Variants in USP18 observed in about 807,000 individuals in gnomAD.
USP18 encodes ubl carboxyl-terminal hydrolase 18.
USP18 carries 11 observed loss-of-function variants against 48.7 expected under a neutral mutation model. That is an observed-to-expected ratio of 0.23 (90% CI 0.14 to 0.37). The LOEUF is 0.37. Ranked by LOEUF, USP18 falls within the 10% of genes least tolerant of loss-of-function variation. The pLI, the probability that USP18 is intolerant of heterozygous loss-of-function variation, is 1.00. For missense variants in USP18, 285 were observed against 436.4 expected (o/e 0.65, Z 3.09); for synonymous variants, 114 against 163.2 (o/e 0.70, Z 2.30).
In USP18 at chr22:18,160,042, G is replaced by A. The variant is rs544172758; in HGVS notation, c.158-130G>A. 241 of 848,146 alleles carry A rather than the reference G, an allele frequency of 2.8e-4. No individual in the cohort carries two copies. The African/African-American group carries it at 3.4e-3, about 12-fold the overall frequency. 52.5% of individuals were successfully genotyped at this position (848,146 alleles called of 1,614,324 possible). A position where few individuals can be genotyped will look rare whatever the true frequency, so the allele number is the denominator to read the frequency against. On this transcript the variant is annotated intron_variant, in intron 2 of 10. Coordinates refer to ENST00000215794, the MANE Select transcript of USP18 (RefSeq NM_017414.4). ...TTGGCCAGGCTGGTCTCGAACTCCC[G>A]ACCTCAGGTGATCCGCCCACCTCGG...
At position 18,170,653 on chromosome 22, in the gene USP18, G is replaced by A. The variant is rs1602531210; in HGVS notation, c.724-100G>A. ...GCCTTGAACTCCGTGATGTCGCCCCGCTCCCCTCTTTTTGGGAAGAACGCG... is the reference window on the plus strand; with the variant it reads ...GCCTTGAACTCCGTGATGTCGCCCCACTCCCCTCTTTTTGGGAAGAACGCG... On this transcript the variant is annotated intron_variant, in intron 7 of 10. Coordinates refer to ENST00000215794, the MANE Select transcript of USP18 (RefSeq NM_017414.4). The A allele has an allele frequency of 1.2e-5, 17 of 1,372,332 alleles. 3 individuals are homozygous for A. The East Asian group carries it at 1.6e-4, about 13-fold the overall frequency. 85.0% of individuals were successfully genotyped at this position (1,372,332 alleles called of 1,614,324 possible).
chr22:18,160,275 C>T lies in USP18; in HGVS notation c.254+7C>T, dbSNP rs1569209881. 6.2e-7 allele frequency: 1 copy of T among 1,613,832 alleles called. No individual in the cohort carries two copies. The highest frequency in any genetic ancestry group is 1.1e-5 in the South Asian group (1 of 91,072). ...TCACCAGGATATTGAAGAGGTAAGA[C>T]TGTTCTTCAGGCTGATGAGCATTTG... On this transcript the variant is annotated splice_region_variant and intron_variant, in intron 3 of 10. Transcript: ENST00000215794.
chr22:18,175,059 G>A (rs1471879442), intron 10 of USP18, among the ~76,000 whole-genome samples: 4 of 152,004 alleles, frequency 2.6e-5, no homozygotes, highest in Non-Finnish European at 4.4e-5. Context: ...GATTACAGGC[G>A]CCCGCCACCA....
chr22:18,152,954 T>C (rs1929037271), intron 1 of USP18, among the ~76,000 whole-genome samples: 1 of 152,156 alleles, frequency 6.6e-6, no homozygotes, highest in African/African-American at 2.4e-5. Flanking sequence ...TTCATCAGCT[T>C]TCCCTCAATG....
At chr22:18,163,772 C>T (rs1299362964) in intron 4 of USP18, among the ~76,000 whole-genome samples, 1 of 152,194 alleles carries the variant, frequency 6.6e-6, no homozygotes, top group African/African-American at 2.4e-5. Flanking sequence ...CCTGTTGACC[C>T]TTTGTGTTGT....
chr22:18,173,556 C>G (rs5992190), intron 9 of USP18, among the ~76,000 whole-genome samples: 5,389 of 151,940 alleles, frequency 0.035, 304 homozygotes, highest in African/African-American at 0.12. Flanking sequence ...TAGAGAGCAA[C>G]GAGTGTTAGA....
chr22:18,162,821 T>C (rs1180186554), intron 4 of USP18, among the ~76,000 whole-genome samples: 2 of 152,128 alleles, frequency 1.3e-5, no homozygotes, highest in African/African-American at 4.8e-5. Context: ...TGCCATTGAC[T>C]GAAATGTTGA....
At chr22:18,164,560 C>T (rs906819261) in intron 4 of USP18, among the ~76,000 whole-genome samples, 1 of 151,328 alleles carries the variant, frequency 6.6e-6, no homozygotes, top group African/African-American at 2.4e-5. Flanking sequence ...TATTGTTTAC[C>T]TGCCTCATTG....
At chr22:18,151,865 G>A (rs1338203030) in intron 1 of USP18, among the ~76,000 whole-genome samples, 1 of 152,124 alleles carries the variant, frequency 6.6e-6, no homozygotes, top group Non-Finnish European at 1.5e-5. Flanking sequence ...GACCATCCTA[G>A]CTAACACGGT....
At chr22:18,161,205 A>T (rs576704630) in intron 3 of USP18, among the ~76,000 whole-genome samples, 36 of 146,640 alleles carry the variant, frequency 2.5e-4, no homozygotes, top group Admixed American at 4.8e-4. Flanking sequence ...GGGAGTACAC[A>T]CCCCTCCTTC....
chr22:18,161,984 G>A (rs1929347513), intron 4 of USP18, 49 bp downstream of exon 4: 2 of 1,568,250 alleles, frequency 1.3e-6, no homozygotes, highest in East Asian at 2.3e-5. Context: ...AAAGGGGATG[G>A]GAAGCTTAGA....
chr22:18,167,774 G>T (rs1256401865), intron 5 of USP18, 116 bp from the exon 6 acceptor site: 2 of 1,075,804 alleles, frequency 1.9e-6, no homozygotes, highest in African/African-American at 3.2e-5. Flanking sequence ...ATTGTTACTG[G>T]TATTATTTTG....
rs189996456 is a variant in USP18, at chr22:18,172,661, C to A, written c.892-489C>A. 5.2e-3 allele frequency among the ~76,000 whole-genome samples: 791 copies of A among 151,530 alleles called. 5 individuals are homozygous for A. Among genetic ancestry groups the A allele is most frequent in the African/African-American group, 0.018 (729 of 41,302 alleles). On this transcript the variant is annotated intron_variant, in intron 8 of 10. Coordinates refer to ENST00000215794, the MANE Select transcript of USP18 (RefSeq NM_017414.4). ...ATATTTAGATACAGATATTGCCCTGCATTTTGTAAAGTTCTGCACAAAGTC... is the reference window on the plus strand; with the variant it reads ...ATATTTAGATACAGATATTGCCCTGAATTTTGTAAAGTTCTGCACAAAGTC...
intron 3 of USP18, among the ~76,000 whole-genome samples, chr22:18,160,622 A>G (rs1008169155): frequency 6.6e-6 from 1 of 152,112 alleles, no homozygotes; most frequent in African/African-American, 2.4e-5. Flanking sequence ...CATTTTTAAT[A>G]TATTCAGTTA....
intron 6 of USP18, 63 bp from the exon 7 acceptor site, chr22:18,169,781 A>G (rs1306332353): frequency 2.0e-6 from 3 of 1,536,906 alleles, no homozygotes; most frequent in South Asian, 2.4e-5. Context: ...AGAACAGATG[A>G]ATATAGTATT....
intron 1 of USP18, among the ~76,000 whole-genome samples, chr22:18,156,482 C>T (rs1312236698): frequency 6.6e-6 from 1 of 152,204 alleles, no homozygotes; most frequent in Non-Finnish European, 1.5e-5. Flanking sequence ...CCGCGAAGGT[C>T]TGTAGCTTCA....
intron 6 of USP18, among the ~76,000 whole-genome samples, chr22:18,169,446 G>A (rs533480951): frequency 3.2e-4 from 48 of 152,332 alleles, no homozygotes; most frequent in African/African-American, 1.1e-3. Flanking sequence ...GCGTGGTGGC[G>A]CAGCCTGTAG....
At chr22:18,174,365 C>T (rs1386816712) in intron 10 of USP18, among the ~76,000 whole-genome samples, 1 of 151,512 alleles carries the variant, frequency 6.6e-6, no homozygotes, top group Non-Finnish European at 1.5e-5. Flanking sequence ...GTAGCTGGGA[C>T]TACAGGTGTG....
chr22:18,166,220 C>T (rs1442769458), intron 4 of USP18, among the ~76,000 whole-genome samples: 2 of 152,180 alleles, frequency 1.3e-5, no homozygotes, highest in Admixed American at 1.3e-4. Context: ...CTATTGACCT[C>T]CTCTAGTACA....
Sources: gnomAD v4.1 joint callset for allele counts (sites outside exome capture counted in the v4.1 genomes callset) on GRCh38, gnomAD v4.1.1 for gene constraint, MANE v1.5 for transcripts, NCBI Gene and HGNC (gene_info 2026-07-23, HGNC 2026-07-21) for gene names.